NEK6: variants seen among roughly 807,000 people sequenced by gnomAD.
NEK6 encodes serine/threonine-protein kinase Nek6.
Under a neutral mutation model 43.5 loss-of-function variants are expected in NEK6, and 27 were observed. The ratio of observed to expected loss-of-function variants is 0.62; its 90% CI spans 0.46 to 0.86. NEK6 has a LOEUF of 0.86. Among genes scored for constraint, NEK6 ranks in the 40% least tolerant of loss-of-function variants. The pLI, the probability that NEK6 is intolerant of heterozygous loss-of-function variation, is 0.00. For missense variants in NEK6, 318 were observed against 414.4 expected (o/e 0.77, Z 2.02); for synonymous variants, 167 against 164.1 (o/e 1.02, Z -0.14).
At chr9:124,319,688 G>A (rs1252616929) in intron 4 of NEK6, among the ~76,000 whole-genome samples, 1 of 152,138 alleles carries the variant, frequency 6.6e-6, no homozygotes, top group African/African-American at 2.4e-5. Context: ...CCAGTTAATT[G>A]AGTAGGGAGT....
intron 1 of NEK6, among the ~76,000 whole-genome samples, chr9:124,264,767 A>C (rs944849558): frequency 7.2e-6 from 1 of 139,544 alleles, no homozygotes; most frequent in African/African-American, 2.6e-5. Context: ...GTGAGCTGAG[A>C]TTGTGCCACT....
chr9:124,278,271 A>G (rs61664672), intron 1 of NEK6, among the ~76,000 whole-genome samples: 2 of 152,202 alleles, frequency 1.3e-5, no homozygotes, highest in African/African-American at 4.8e-5. Context: ...TCACACAGTG[A>G]CAAAATCGCC....
intron 1 of NEK6, among the ~76,000 whole-genome samples, chr9:124,296,983 C>G (rs1832723522): frequency 1.3e-5 from 2 of 152,226 alleles, no homozygotes; most frequent in South Asian, 4.1e-4. Context: ...AGGGTCACAG[C>G]CCACATTAGT....
intron 5 of NEK6, among the ~76,000 whole-genome samples, chr9:124,323,968 G>GC (rs907951426): frequency 6.6e-6 from 1 of 152,052 alleles, no homozygotes; most frequent in Non-Finnish European, 1.5e-5. Flanking sequence ...CAGCCACCTG[G>GC]CCCCCCACGC....
At position 124,352,047 on chromosome 9, in the gene NEK6, T is replaced by TTAAC. The variant is rs1164985558; in HGVS notation, c.*1102_*1105dup. The stretch of plus-strand genomic sequence containing the variant: ...CCTTATTTCTTGTTCCCAAACAGGA[T>TTAAC]TAACTGTGAAGACTAATTTATAAAT... On this transcript the variant is annotated 3_prime_UTR_variant, in exon 10 of 10. Transcript: ENST00000320246. 5 of 152,664 alleles carry TTAAC rather than the reference T, an allele frequency of 3.3e-5. No homozygotes were observed. The highest frequency in any genetic ancestry group is 7.2e-5 in the African/African-American group (3 of 41,458). 9.5% of individuals were successfully genotyped at this position (152,664 alleles called of 1,614,324 possible).
At chr9:124,280,318 G>T (rs550333259) in intron 1 of NEK6, among the ~76,000 whole-genome samples, 2 of 152,246 alleles carry the variant, frequency 1.3e-5, no homozygotes, top group East Asian at 1.9e-4. Context: ...TGGTCTAGGC[G>T]TGCAGAACAG....
intron 1 of NEK6, among the ~76,000 whole-genome samples, chr9:124,280,686 T>G (rs1302806677): frequency 2.0e-5 from 3 of 152,242 alleles, no homozygotes; most frequent in Non-Finnish European, 4.4e-5. Flanking sequence ...CACCTCGCTC[T>G]GTGGCTAGGC....
intron 2 of NEK6, among the ~76,000 whole-genome samples, 157 bp from the exon 3 acceptor site, chr9:124,312,352 C>G (rs1426434928): frequency 1.3e-5 from 2 of 152,122 alleles, no homozygotes; most frequent in Non-Finnish European, 2.9e-5. Context: ...CAGAAAGCCC[C>G]CTGGGGGGGT....
At chr9:124,289,640 T>G (rs1357165980) in intron 1 of NEK6, among the ~76,000 whole-genome samples, 1 of 152,178 alleles carries the variant, frequency 6.6e-6, no homozygotes, top group Non-Finnish European at 1.5e-5. Flanking sequence ...ACAAATTCCC[T>G]TAGCAATTCC....
At chr9:124,280,415 G>T (rs1831848164) in intron 1 of NEK6, among the ~76,000 whole-genome samples, 1 of 152,262 alleles carries the variant, frequency 6.6e-6, no homozygotes, top group Non-Finnish European at 1.5e-5. Flanking sequence ...CGCTGAGACT[G>T]TCCCAGCCGA....
intron 1 of NEK6, chr9:124,261,443 T>C (rs2118847604): frequency 2.0e-6 from 2 of 985,390 alleles, no homozygotes; most frequent in Non-Finnish European, 2.4e-6. Flanking sequence ...CAAGATTAAA[T>C]ACGGGCAGGC....
chr9:124,279,712 G>C (rs1831810741), intron 1 of NEK6, among the ~76,000 whole-genome samples: 1 of 152,204 alleles, frequency 6.6e-6, no homozygotes, highest in Non-Finnish European at 1.5e-5. Flanking sequence ...TGCATGATCT[G>C]ATCTGATGGC....
At chr9:124,331,666 T>G (rs1829004971) in intron 7 of NEK6, among the ~76,000 whole-genome samples, 1 of 152,194 alleles carries the variant, frequency 6.6e-6, no homozygotes, top group South Asian at 2.1e-4. Flanking sequence ...GGACAGAGCC[T>G]CCTCTCATGG....
At position 124,324,862 on chromosome 9, in the gene NEK6, G is replaced by A. The variant is rs1328565518; in HGVS notation, c.406-1468G>A. 1.3e-5 allele frequency among the ~76,000 whole-genome samples: 2 copies of A among 152,176 alleles called. No individual in the cohort carries two copies. Among genetic ancestry groups the A allele is most frequent in the Non-Finnish European group, 2.9e-5 (2 of 68,026 alleles). On this transcript the variant is annotated intron_variant, in intron 5 of 9. Coordinates refer to ENST00000320246, the MANE Select transcript of NEK6 (RefSeq NM_014397.6). This position sits in a 1 kb window ranked among gnomAD's most constrained non-coding sequence, Gnocchi z 5.3. ...CTGAGCTCAGTCTCCCATATCAATGGTTACTGGTGTTATTAGAAGTGGGCT... is the reference window on the plus strand; with the variant it reads ...CTGAGCTCAGTCTCCCATATCAATGATTACTGGTGTTATTAGAAGTGGGCT...
intron 8 of NEK6, among the ~76,000 whole-genome samples, chr9:124,344,915 G>C (rs1829840554): frequency 6.6e-6 from 1 of 152,212 alleles, no homozygotes; most frequent in African/African-American, 2.4e-5. Flanking sequence ...GGAGGAGCAG[G>C]GCTGCAGACC....
At chr9:124,267,358 G>T (rs1244619831) in intron 1 of NEK6, among the ~76,000 whole-genome samples, 1 of 152,084 alleles carries the variant, frequency 6.6e-6, no homozygotes. Flanking sequence ...GGCAGGTCCG[G>T]TCGAGTCCGC....
At chr9:124,297,943 G>C (rs1047144519) in intron 1 of NEK6, among the ~76,000 whole-genome samples, 1 of 152,206 alleles carries the variant, frequency 6.6e-6, no homozygotes, top group Admixed American at 6.5e-5. Flanking sequence ...GTTTCTGTTG[G>C]GGTGTGGACC....
At chr9:124,350,213 A>C (rs1830180194) in intron 9 of NEK6, among the ~76,000 whole-genome samples, 1 of 152,218 alleles carries the variant, frequency 6.6e-6, no homozygotes, top group South Asian at 2.1e-4. Flanking sequence ...ATGCAGGGTA[A>C]GATGTAGGCA....
intron 7 of NEK6, among the ~76,000 whole-genome samples, chr9:124,332,132 C>T (rs1009691284): frequency 1.3e-5 from 2 of 152,242 alleles, no homozygotes; most frequent in African/African-American, 4.8e-5. Context: ...AGTGAGGAGT[C>T]AATCTGGACC....
Sources: allele counts gnomAD v4.1 joint callset (sites outside exome capture counted in the v4.1 genomes callset), GRCh38; gene constraint gnomAD v4.1.1; non-coding constraint Gnocchi (gnomAD v3.1); transcripts MANE v1.5; gene names NCBI Gene and HGNC (gene_info 2026-07-23, HGNC 2026-07-21).